The following FBN2 variants were observed in gnomAD, a reference collection of about 807,000 sequenced individuals.
The protein encoded by FBN2 is fibrillin-2.
In FBN2, 105 loss-of-function variants were observed where a neutral mutation model predicts 355.6. The observed-to-expected ratio is 0.30, with a 90% CI of 0.25 to 0.35. The LOEUF is 0.35. Among genes scored for constraint, FBN2 ranks in the 10% least tolerant of loss-of-function variants. The pLI, the probability that FBN2 is intolerant of heterozygous loss-of-function variation, is 1.00. For synonymous variants in FBN2, 1,350 were observed against 1,301.2 expected, an observed-to-expected ratio of 1.04 and a Z score of -0.81; for missense variants, 3,280 against 3,758.7, an observed-to-expected ratio of 0.87 and a Z score of 3.33.
chr5:128,340,900 T>C (rs1751000039), intron 25 of FBN2, among the ~76,000 whole-genome samples: 1 of 152,060 alleles, frequency 6.6e-6, no homozygotes, highest in Non-Finnish European at 1.5e-5. Context: ...TTTGAATTGG[T>C]TCTTGAAGGT....
intron 42 of FBN2, among the ~76,000 whole-genome samples, 194 bp downstream of exon 42, chr5:128,306,941 C>T (rs1581204300): frequency 6.6e-6 from 1 of 152,284 alleles, no homozygotes; most frequent in South Asian, 2.1e-4. Context: ...AATCACCAGA[C>T]TACGCTGATG....
At position 128,303,106 on chromosome 5, in the gene FBN2, G is replaced by T; in HGVS notation, c.5801-17C>A. ...CATCAACATCTATAAAGAAATATAGGCTCAAAAAATTCAATTTTTAACTAG... is the reference window on the plus strand; with the variant it reads ...CATCAACATCTATAAAGAAATATAGTCTCAAAAAATTCAATTTTTAACTAG... On this transcript the variant is annotated splice_polypyrimidine_tract_variant and intron_variant, in intron 45 of 64. Transcript: ENST00000262464. 2.0e-6 allele frequency: 3 copies of T among 1,494,894 alleles called. No individual in the cohort carries two copies. The highest frequency in any genetic ancestry group is 2.8e-6 in the Non-Finnish European group (3 of 1,071,622). The allele number at this position is 1,494,894 out of a possible 1,614,324, so 92.6% of individuals were successfully genotyped here.
chr5:128,391,246 A>T (rs1167347063), intron 11 of FBN2, among the ~76,000 whole-genome samples: 3 of 152,140 alleles, frequency 2.0e-5, no homozygotes, highest in Non-Finnish European at 4.4e-5. Context: ...CTTCTTTTCC[A>T]TCTATGTATC....
chr5:128,273,527 T>C (rs1765314480), intron 61 of FBN2, among the ~76,000 whole-genome samples: 3 of 152,250 alleles, frequency 2.0e-5, no homozygotes, highest in African/African-American at 4.8e-5. Flanking sequence ...TTTTCTGGTA[T>C]GCTTGTACAC....
At chr5:128,512,512 C>CAAAA (rs1158661549) in intron 5 of FBN2, among the ~76,000 whole-genome samples, 92 of 60,546 alleles carry the variant, frequency 1.5e-3, no homozygotes, top group East Asian at 3.3e-3. Context: ...GAACCCGTCT[C>CAAAA]AAAAAAAAAA....
intron 3 of FBN2, among the ~76,000 whole-genome samples, chr5:128,529,517 T>C (rs2112800109): frequency 6.6e-6 from 1 of 152,316 alleles, no homozygotes; most frequent in South Asian, 2.1e-4. Flanking sequence ...CAAGGCCAAA[T>C]GAATGCACAG....
At chr5:128,495,195 G>A (rs187087172) in intron 5 of FBN2, among the ~76,000 whole-genome samples, 2 of 122,908 alleles carry the variant, frequency 1.6e-5, no homozygotes, top group African/African-American at 4.5e-5. Context: ...ATTGGAACTC[G>A]CAAAAGAAAG....
intron 58 of FBN2, among the ~76,000 whole-genome samples, chr5:128,277,384 T>A (rs1160758723): frequency 6.6e-6 from 1 of 152,194 alleles, no homozygotes; most frequent in African/African-American, 2.4e-5. Context: ...GGAAATTTTA[T>A]TTAGGTAATG....
chr5:128,476,066 G>A (rs192345542), intron 5 of FBN2, among the ~76,000 whole-genome samples: 53 of 152,222 alleles, frequency 3.5e-4, no homozygotes, highest in Admixed American at 5.9e-4. Flanking sequence ...TAGACATTAC[G>A]CAAAAGTTGT....
At chr5:128,375,759 G>A (rs1752062668) in intron 14 of FBN2, among the ~76,000 whole-genome samples, 1 of 152,150 alleles carries the variant, frequency 6.6e-6, no homozygotes, top group Non-Finnish European at 1.5e-5. Flanking sequence ...AATTTGGCCA[G>A]GTGCGATGGC....
rs563573116 is a variant in FBN2, at chr5:128,296,858, G to A, written c.6166+3959C>T. Among the ~76,000 whole-genome samples the A allele has an allele frequency of 1.3e-3, 204 of 151,506 alleles. 1 individual carries two copies. The highest frequency in any genetic ancestry group is 2.2e-3 in the Admixed American group (34 of 15,216). On this transcript the variant is annotated intron_variant, in intron 48 of 64. Coordinates refer to ENST00000262464, the MANE Select transcript of FBN2 (RefSeq NM_001999.4). ...TTCCTTCAGTTCTGCTCTGATTTTA[G>A]TTATTTCTTGCCTTCTGCTAGCTTT...
chr5:128,368,427 TATATATAC>T (rs922437815), intron 16 of FBN2, among the ~76,000 whole-genome samples: 1 of 137,612 alleles, frequency 7.3e-6, no homozygotes, highest in Non-Finnish European at 1.6e-5. Context: ...TGTGTATATA[TATATATAC>T]ACATATATAC....
chr5:128,482,284 GA>G, intron 5 of FBN2, among the ~76,000 whole-genome samples: 1 of 151,924 alleles, frequency 6.6e-6, no homozygotes, highest in Non-Finnish European at 1.5e-5. Context: ...CACACATTTG[GA>G]AATTTCCCCC....
chr5:128,413,839 A>T (rs558080602), intron 7 of FBN2, among the ~76,000 whole-genome samples: 23 of 152,296 alleles, frequency 1.5e-4, no homozygotes, highest in Non-Finnish European at 2.8e-4. Context: ...AGAACTATAC[A>T]TATTTGGAAT....
intron 7 of FBN2, among the ~76,000 whole-genome samples, chr5:128,445,013 A>G (rs1561460485): frequency 6.6e-6 from 1 of 152,218 alleles, no homozygotes; most frequent in Admixed American, 6.5e-5. Context: ...GCCAGGAAAA[A>G]GCAGCACAAC....
At position 128,323,650 on chromosome 5, in the gene FBN2, C is replaced by T. The variant is rs566097917; in HGVS notation, c.4472-4649G>A. Among the ~76,000 whole-genome samples, 9 of 152,312 alleles carry T rather than the reference C, an allele frequency of 5.9e-5. No individual in the cohort carries two copies. The South Asian group carries it at 1.7e-3, about 28-fold the overall frequency. The stretch of plus-strand genomic sequence containing the variant: ...ATCCCAGGGATAAAGCCGACTTGAT[C>T]GTGGTGGATAAGCTCTTTGATGTGC... On this transcript the variant is annotated intron_variant, in intron 34 of 64. Coordinates refer to ENST00000262464, the MANE Select transcript of FBN2 (RefSeq NM_001999.4).
chr5:128,424,263 G>T (rs1369787958), intron 7 of FBN2, among the ~76,000 whole-genome samples: 1 of 152,060 alleles, frequency 6.6e-6, no homozygotes, highest in African/African-American at 2.4e-5. Flanking sequence ...AATGCAAAAG[G>T]TCCATCTGGT....
chr5:128,313,852 C>CAAAAAA (rs70997367), intron 36 of FBN2, among the ~76,000 whole-genome samples: 4 of 48,240 alleles, frequency 8.3e-5, no homozygotes, highest in South Asian at 1.2e-3. Context: ...GACTCTGTCT[C>CAAAAAA]AAAAAAAAAA....
In FBN2 at chr5:128,261,160, G is replaced by A. The variant is rs190213646; in HGVS notation, c.8364+576C>T. Among the ~76,000 whole-genome samples the A allele has an allele frequency of 1.8e-3, 281 of 152,204 alleles. 3 individuals are homozygous for A. The highest frequency in any genetic ancestry group is 8.9e-3 in the South Asian group (43 of 4,816). On this transcript the variant is annotated intron_variant, in intron 64 of 64. Transcript: ENST00000262464. ...CAGATAGGGAGGGCCAGGGAGTTAC[G>A]TTCAAAACCAGGTAGTCTGCAGCCC...
Sources: allele counts gnomAD v4.1 joint callset (sites outside exome capture counted in the v4.1 genomes callset), GRCh38; gene constraint gnomAD v4.1.1; transcripts MANE v1.5; gene names NCBI Gene and HGNC (gene_info 2026-07-23, HGNC 2026-07-21).